The following ITPK1 variants were observed in gnomAD, a reference collection of about 807,000 sequenced individuals.
The protein encoded by ITPK1 is inositol-tetrakisphosphate 1-kinase, also known as inositol 1,3,4-trisphosphate 5/6-kinase.
A neutral mutation model predicts 45.3 loss-of-function variants in ITPK1; 21 were observed. The observed-to-expected ratio is 0.46, with a 90% confidence interval of 0.33 to 0.67. The LOEUF (loss-of-function observed/expected upper bound fraction) is 0.67. Ranked by LOEUF, ITPK1 falls within the 30% of genes least tolerant of loss-of-function variation. ITPK1 has a pLI of 0.02. For missense variants in ITPK1, 474 were observed against 573.5 expected (o/e 0.83, Z 1.77); for synonymous variants, 258 against 253.6 (o/e 1.02, Z -0.16).
At chr14:93,078,014 C>A (rs1436354869) in intron 2 of ITPK1, among the ~76,000 whole-genome samples, 1 of 152,192 alleles carries the variant, frequency 6.6e-6, no homozygotes, top group African/African-American at 2.4e-5. Flanking sequence ...AGGGACTATG[C>A]CAAACTTTAA....
At chr14:92,944,483 C>T (rs1468940984) in intron 10 of ITPK1, among the ~76,000 whole-genome samples, 1 of 151,118 alleles carries the variant, frequency 6.6e-6, no homozygotes, top group African/African-American at 2.4e-5. Context: ...CAAGGCCATC[C>T]CTTATCTGCA....
intron 10 of ITPK1, among the ~76,000 whole-genome samples, chr14:92,942,147 G>C (rs972725571): frequency 6.6e-6 from 1 of 152,200 alleles, no homozygotes; most frequent in Non-Finnish European, 1.5e-5. Flanking sequence ...GTGAGAAGCT[G>C]AAGAACCTGA....
Position 92,991,014 on chromosome 14 carries a change from G to T in ITPK1, c.364+2866C>A, listed in dbSNP as rs148280488. Among the ~76,000 whole-genome samples the T allele has an allele frequency of 1.7e-4, 25 of 151,384 alleles. 1 individual carries two copies. In the East Asian group the frequency reaches 4.8e-3, roughly 29 times the overall value. On this transcript the variant is annotated intron_variant, in intron 5 of 10. Coordinates refer to ENST00000267615, the MANE Select transcript of ITPK1 (RefSeq NM_014216.6). The stretch of plus-strand genomic sequence containing the variant: ...GAGCAGTCTTACTGCCGGGGCAGGG[G>T]GGGTGACAACCGGGGCAGGGGGGGT...
rs146878143 is a variant in ITPK1, at chr14:92,981,475, C to T, written c.364+12405G>A. On this transcript the variant is annotated intron_variant, in intron 5 of 10. Transcript: ENST00000267615. ...AGAGCCGCTCCAAATACCACCTCCG[C>T]GAGAGCCCCACAGACAACCAGGACC... Among the ~76,000 whole-genome samples the T allele has an allele frequency of 6.6e-3, 1,009 of 152,296 alleles. 27 individuals are homozygous for T. Among genetic ancestry groups the T allele is most frequent in the Admixed American group, 0.045 (683 of 15,302 alleles).
At chr14:93,104,153 TC>T (rs1892432854) in intron 2 of ITPK1, among the ~76,000 whole-genome samples, 1 of 152,146 alleles carries the variant, frequency 6.6e-6, no homozygotes, top group South Asian at 2.1e-4. Flanking sequence ...TGCACTATCC[TC>T]CTGGGCCCAA....
intron 5 of ITPK1, among the ~76,000 whole-genome samples, chr14:92,978,245 T>G (rs998330193): frequency 6.6e-6 from 1 of 151,938 alleles, no homozygotes; most frequent in Non-Finnish European, 1.5e-5. Context: ...AATTTCTAAG[T>G]AACAAAGCAT....
At chr14:93,028,042 C>T (rs1464464732) in intron 3 of ITPK1, among the ~76,000 whole-genome samples, 1 of 152,208 alleles carries the variant, frequency 6.6e-6, no homozygotes, top group Non-Finnish European at 1.5e-5. Context: ...TGCTGGCTCC[C>T]GCCAGAAACC....
At chr14:92,968,943 T>C (rs1010644258) in intron 5 of ITPK1, among the ~76,000 whole-genome samples, 21 of 152,138 alleles carry the variant, frequency 1.4e-4, no homozygotes, top group African/African-American at 5.1e-4. Flanking sequence ...GAGCACATGC[T>C]GGGAAGGACC....
rs145012178 is a variant in ITPK1, at chr14:92,958,247, G to A, written c.624C>T (p.Thr208=). 9.9e-5 allele frequency: 160 copies of A among 1,614,176 alleles called. No homozygotes were observed. The highest frequency in any genetic ancestry group is 3.8e-4 in the South Asian group (35 of 91,082). ...YKVFVVGESY[T]VVQRPSLKNF... ...TCTTGAGTGAGGGCCTCTGGACCAC[G>A]GTGTAGGACTCGCCAACCACGAACA... Residue 208 remains threonine (T), a synonymous_variant, in exon 8 of 11, where the codon ACC becomes ACT. Coordinates refer to ENST00000267615, the MANE Select transcript of ITPK1 (RefSeq NM_014216.6). This position sits in a 1 kb window ranked among gnomAD's most constrained non-coding sequence, Gnocchi z 4.4.
chr14:92,963,429 G>A (rs1034743626), intron 5 of ITPK1, among the ~76,000 whole-genome samples: 1 of 152,248 alleles, frequency 6.6e-6, no homozygotes, highest in Non-Finnish European at 1.5e-5. Context: ...CTAGCTGGTG[G>A]TGACACAACT....
chr14:92,990,514 A>G (rs1214252462), intron 5 of ITPK1, among the ~76,000 whole-genome samples: 4 of 152,226 alleles, frequency 2.6e-5, no homozygotes, highest in East Asian at 1.9e-4. Context: ...AGCAACTTGA[A>G]TGCTAATTGA....
intron 10 of ITPK1, 116 bp downstream of exon 10, chr14:92,946,215 C>A: frequency 1.6e-6 from 2 of 1,240,158 alleles, no homozygotes; most frequent in African/African-American, 2.9e-5. Flanking sequence ...CTCCCCGGAC[C>A]TCGTGGTGAG....
At chr14:92,993,019 G>A (rs946252503) in intron 5 of ITPK1, among the ~76,000 whole-genome samples, 2 of 152,338 alleles carry the variant, frequency 1.3e-5, no homozygotes, top group Admixed American at 1.3e-4. Flanking sequence ...GGTACCCACT[G>A]GTCCCACCGG....
At chr14:92,963,935 G>A (rs886921722) in intron 5 of ITPK1, among the ~76,000 whole-genome samples, 1 of 152,174 alleles carries the variant, frequency 6.6e-6, no homozygotes, top group African/African-American at 2.4e-5. Context: ...GCCACCCACA[G>A]GCTTGGAAAC....
intron 2 of ITPK1, among the ~76,000 whole-genome samples, chr14:93,104,660 T>C (rs1403798850): frequency 1.3e-5 from 2 of 151,978 alleles, no homozygotes; most frequent in Non-Finnish European, 2.9e-5. Context: ...ATCTAGCAAA[T>C]GGAGACCCCT....
chr14:92,946,545 A>G lies in ITPK1; in HGVS notation c.739-52T>C, dbSNP rs59764231. 4.6e-3 allele frequency: 7,252 copies of G among 1,569,996 alleles called. 251 individuals are homozygous for G. In the African/African-American group the frequency reaches 0.077, roughly 17 times the overall value. On this transcript the variant is annotated intron_variant, in intron 9 of 10. Coordinates refer to ENST00000267615, the MANE Select transcript of ITPK1 (RefSeq NM_014216.6). ...CCATGGGCCGAGGAGCTGCGAAGCC[A>G]CACCACACAGACAGACCCCCCACAC...
intron 9 of ITPK1, among the ~76,000 whole-genome samples, chr14:92,950,384 G>A (rs1034200417): frequency 4.6e-5 from 7 of 152,246 alleles, no homozygotes; most frequent in Admixed American, 6.5e-5. Flanking sequence ...GCCTGCGGGC[G>A]TCCAGGAGGG....
chr14:93,054,446 C>T (rs1890141437), intron 3 of ITPK1, among the ~76,000 whole-genome samples: 1 of 152,096 alleles, frequency 6.6e-6, no homozygotes, highest in South Asian at 2.1e-4. Flanking sequence ...TCTCCATGCC[C>T]AGAAACAGAC....
At chr14:93,100,558 CAGAGAGAGAGAG>C (rs752146253) in intron 2 of ITPK1, among the ~76,000 whole-genome samples, 2 of 142,790 alleles carry the variant, frequency 1.4e-5, no homozygotes, top group African/African-American at 5.1e-5. Context: ...GAGAGAGAGA[CAGAGAGAGAGAG>C]AGACAGACAG....
Sources: gnomAD v4.1 joint callset for allele counts (sites outside exome capture counted in the v4.1 genomes callset) on GRCh38, gnomAD v4.1.1 for gene constraint, Gnocchi (gnomAD v3.1) non-coding constraint, MANE v1.5 for transcripts, NCBI Gene and HGNC (gene_info 2026-07-23, HGNC 2026-07-21) for gene names.